SPOCK3: variants seen among roughly 807,000 people sequenced by gnomAD.
SPOCK3 encodes the protein testican-3.
In SPOCK3, 30 loss-of-function variants were observed where a neutral mutation model predicts 56.6. The ratio of observed to expected loss-of-function variants is 0.53; its 90% CI spans 0.40 to 0.72. The LOEUF (loss-of-function observed/expected upper bound fraction) is 0.72, where lower values mean the gene tolerates loss of function less well. Ranked by LOEUF, SPOCK3 falls within the 30% of genes least tolerant of loss-of-function variation. The probability of loss-of-function intolerance (pLI) is 0.00; values close to 1 mark genes in which losing one functional copy is unlikely to be tolerated. For synonymous variants in SPOCK3, 196 were observed against 183.3 expected (o/e 1.07, Z -0.56); for missense variants, 527 against 530.0 (o/e 0.99, Z 0.06).
At chr4:167,194,873 G>A (rs1394826860) in intron 2 of SPOCK3, among the ~76,000 whole-genome samples, 1 of 152,160 alleles carries the variant, frequency 6.6e-6, no homozygotes, top group African/African-American at 2.4e-5. Flanking sequence ...TGGCTTGGAT[G>A]GATATGGCTC....
At chr4:167,151,696 T>C (rs957265209) in intron 2 of SPOCK3, among the ~76,000 whole-genome samples, 3 of 151,926 alleles carry the variant, frequency 2.0e-5, no homozygotes, top group Admixed American at 6.6e-5. Flanking sequence ...CGGCCTCCCA[T>C]AGTGCTGGGA....
intron 2 of SPOCK3, among the ~76,000 whole-genome samples, chr4:167,195,702 CA>C (rs1345923341): frequency 2.0e-5 from 3 of 152,110 alleles, no homozygotes; most frequent in Non-Finnish European, 4.4e-5. Context: ...GAGGTAGGAC[CA>C]AGGCTAAAAC....
intron 7 of SPOCK3, among the ~76,000 whole-genome samples, chr4:166,768,515 C>T (rs887512607): frequency 2.6e-5 from 4 of 152,144 alleles, no homozygotes; most frequent in African/African-American, 9.7e-5. Context: ...AATATTGGCC[C>T]CCACTCTCTT....
intron 2 of SPOCK3, among the ~76,000 whole-genome samples, chr4:167,132,674 T>C (rs1762794410): frequency 6.6e-6 from 1 of 152,104 alleles, no homozygotes; most frequent in Non-Finnish European, 1.5e-5. Flanking sequence ...AATCAAAGCC[T>C]TGGCAGAAGC....
chr4:167,137,953 C>T (rs1328860215), intron 2 of SPOCK3, among the ~76,000 whole-genome samples: 2 of 151,844 alleles, frequency 1.3e-5, no homozygotes, highest in Middle Eastern at 3.6e-3. Flanking sequence ...ATCAAATACT[C>T]ATATTTTTCT....
intron 2 of SPOCK3, among the ~76,000 whole-genome samples, chr4:167,147,818 G>A (rs1764096461): frequency 6.6e-6 from 1 of 152,046 alleles, no homozygotes; most frequent in African/African-American, 2.4e-5. Flanking sequence ...CGGAGGGTGG[G>A]GACTGGGGAA....
At chr4:167,101,301 C>A (rs1266251432) in intron 2 of SPOCK3, among the ~76,000 whole-genome samples, 1 of 152,104 alleles carries the variant, frequency 6.6e-6, no homozygotes, top group African/African-American at 2.4e-5. Flanking sequence ...TTGTTGTACT[C>A]ACTAACTTTC....
At chr4:167,109,390 A>C (rs7678932) in intron 2 of SPOCK3, among the ~76,000 whole-genome samples, 1 of 23,814 alleles carries the variant, frequency 4.2e-5, no homozygotes, top group Non-Finnish European at 9.6e-5. Context: ...AAAATATATA[A>C]ATATATATTT....
intron 3 of SPOCK3, among the ~76,000 whole-genome samples, chr4:167,052,003 A>T (rs1451394771): frequency 2.0e-5 from 3 of 152,224 alleles, no homozygotes; most frequent in Non-Finnish European, 4.4e-5. Flanking sequence ...TTGCACACCT[A>T]TGTAGGCTAA....
chr4:167,068,016 GTGA>G (rs1198528450), intron 2 of SPOCK3, among the ~76,000 whole-genome samples: 1 of 151,518 alleles, frequency 6.6e-6, no homozygotes, highest in Admixed American at 6.6e-5. Flanking sequence ...TGTTTAATGA[GTGA>G]TCTTGTTCAC....
rs151046306 is a variant in SPOCK3 at position 167,024,892 on chromosome 4, A to T, written c.236-24429T>A. Among the ~76,000 whole-genome samples, 1,097 of 152,144 alleles carry T rather than the reference A, an allele frequency of 7.2e-3. 53 individuals carry two copies. The highest frequency in any genetic ancestry group is 0.066 in the Admixed American group (1,011 of 15,248). ...AAATTTTTAAAAGAGTCCTTTAAAA[A>T]ATATTGTATTTACTAATATTTTATT... On this transcript the variant is annotated intron_variant, in intron 3 of 10. Transcript: ENST00000357545.
At chr4:166,902,622 CAT>C (rs1331206165) in intron 5 of SPOCK3, among the ~76,000 whole-genome samples, 10 of 150,842 alleles carry the variant, frequency 6.6e-5, no homozygotes, top group African/African-American at 1.2e-4. Flanking sequence ...ATATTTCACA[CAT>C]ATGTAACATG....
intron 5 of SPOCK3, among the ~76,000 whole-genome samples, chr4:166,895,021 G>T (rs1159359788): frequency 1.3e-5 from 2 of 151,912 alleles, no homozygotes; most frequent in Non-Finnish European, 2.9e-5. Flanking sequence ...AGATCAAAAG[G>T]CTAGTAGGTT....
upstream of SPOCK3, chr4:167,234,895 C>T (rs1444158864): frequency 6.6e-6 from 1 of 152,298 alleles, no homozygotes; most frequent in Non-Finnish European, 1.5e-5. Context: ...TCGCAGTTGC[C>T]TCTGCTCCAC....
chr4:166,920,914 C>A (rs1738411944), intron 4 of SPOCK3, among the ~76,000 whole-genome samples: 1 of 152,142 alleles, frequency 6.6e-6, no homozygotes, highest in South Asian at 2.1e-4. Flanking sequence ...TTAAATGCTG[C>A]ATTTTATTTA....
intron 2 of SPOCK3, among the ~76,000 whole-genome samples, chr4:167,158,927 T>C (rs1765045488): frequency 6.6e-6 from 1 of 151,970 alleles, no homozygotes; most frequent in Non-Finnish European, 1.5e-5. Flanking sequence ...TCATGCAAAC[T>C]AGAAGGAAGG....
At chr4:166,935,290 G>C (rs760739047) in intron 4 of SPOCK3, among the ~76,000 whole-genome samples, 1 of 152,060 alleles carries the variant, frequency 6.6e-6, no homozygotes, top group Non-Finnish European at 1.5e-5. Flanking sequence ...GGGCAGGCTT[G>C]CTCCCACTTA....
chr4:166,771,565 T>C (rs1005991368), intron 7 of SPOCK3, among the ~76,000 whole-genome samples: 1 of 152,024 alleles, frequency 6.6e-6, no homozygotes, highest in African/African-American at 2.4e-5. Context: ...ATCAAATTGT[T>C]TTTTTAGCAA....
chr4:167,105,088 T>A (rs922875195), intron 2 of SPOCK3, among the ~76,000 whole-genome samples: 1 of 151,994 alleles, frequency 6.6e-6, no homozygotes, highest in African/African-American at 2.4e-5. Context: ...CAACCAGATC[T>A]ATCCTACAAG....
Sources: allele counts gnomAD v4.1 joint callset (sites outside exome capture counted in the v4.1 genomes callset), GRCh38; gene constraint gnomAD v4.1.1; transcripts MANE v1.5; gene names NCBI Gene and HGNC (gene_info 2026-07-23, HGNC 2026-07-21).